Variants in PHLPP1 observed in about 807,000 individuals in gnomAD.
PHLPP1 encodes the protein PH domain leucine-rich repeat-containing protein phosphatase 1.
In PHLPP1, 42 loss-of-function variants were observed where a neutral mutation model predicts 117.2. The observed-to-expected ratio is 0.36, with a 90% confidence interval of 0.28 to 0.46. PHLPP1 has a LOEUF of 0.46. PHLPP1 is among the 20% of genes least tolerant of loss of function. PHLPP1 has a pLI of 1.00. For missense variants in PHLPP1, 2,084 were observed against 2,241.9 expected (o/e 0.93, Z 1.42); for synonymous variants, 1,042 against 970.7 (o/e 1.07, Z -1.37).
chr18:62,767,895 A>G (rs542307293), intron 1 of PHLPP1, among the ~76,000 whole-genome samples: 1 of 152,334 alleles, frequency 6.6e-6, no homozygotes, highest in East Asian at 1.9e-4. Flanking sequence ...TTCATCCACA[A>G]AGTGGTTTGG....
intron 12 of PHLPP1, among the ~76,000 whole-genome samples, chr18:62,950,608 A>G (rs1910423905): frequency 6.6e-6 from 1 of 152,232 alleles, no homozygotes; most frequent in Non-Finnish European, 1.5e-5. Context: ...GGAAATGGAT[A>G]TGAAGACAGG....
chr18:62,958,808 G>A, intron 13 of PHLPP1, 49 bp downstream of exon 13: 1 of 1,600,746 alleles, frequency 6.2e-7, no homozygotes, highest in South Asian at 1.1e-5. Flanking sequence ...CACTGGCAAT[G>A]GGATTCATAT....
chr18:62,776,254 A>G (rs371495147), intron 1 of PHLPP1, among the ~76,000 whole-genome samples: 4 of 152,138 alleles, frequency 2.6e-5, no homozygotes, highest in East Asian at 3.9e-4. Context: ...TGATGTTGTA[A>G]TTTTGAGTCT....
chr18:62,737,987 G>A (rs1005106225), intron 1 of PHLPP1, among the ~76,000 whole-genome samples: 84 of 152,074 alleles, frequency 5.5e-4, no homozygotes, highest in African/African-American at 1.9e-3. Context: ...TTTGAGAAGG[G>A]TATGTTCCAA....
chr18:62,956,727 G>T (rs1599141161), intron 12 of PHLPP1, among the ~76,000 whole-genome samples: 1 of 151,898 alleles, frequency 6.6e-6, no homozygotes, highest in Admixed American at 6.6e-5. Context: ...TGGATAATGT[G>T]GTTATAATGC....
intron 6 of PHLPP1, among the ~76,000 whole-genome samples, chr18:62,901,292 A>G (rs537983496): frequency 8.5e-5 from 13 of 152,074 alleles, no homozygotes; most frequent in African/African-American, 3.1e-4. Context: ...TTTCTTTTTT[A>G]TTCTGTTTAC....
chr18:62,767,135 A>T (rs1236391523), intron 1 of PHLPP1, among the ~76,000 whole-genome samples: 1 of 152,224 alleles, frequency 6.6e-6, no homozygotes. Context: ...TTAACTCGGT[A>T]TCAGGCCCTA....
chr18:62,900,427 T>C (rs592219), intron 6 of PHLPP1, among the ~76,000 whole-genome samples: 46,156 of 97,710 alleles, frequency 0.47, 11,905 homozygotes, highest in Non-Finnish European at 0.55. Flanking sequence ...TTTTTTCTTT[T>C]TCTTTCTTTT....
At position 62,920,119 on chromosome 18, in the gene PHLPP1, A is replaced by T. The variant is rs1275562003; in HGVS notation, c.2960+5A>T. On this transcript the variant is annotated splice_donor_5th_base_variant and intron_variant, in intron 10 of 16. Transcript: ENST00000262719. ...CCTTCTGATGAAGGCTGACAGGTAA[A>T]GCCATTTGTCTTGTTTATCATCTGA... 1 of 1,612,864 alleles carries T rather than the reference A, an allele frequency of 6.2e-7. No homozygotes were observed. Among genetic ancestry groups the T allele is most frequent in the South Asian group, 1.1e-5 (1 of 90,912 alleles).
At chr18:62,735,516 T>A (rs559251065) in intron 1 of PHLPP1, among the ~76,000 whole-genome samples, 12 of 152,198 alleles carry the variant, frequency 7.9e-5, no homozygotes, top group Admixed American at 7.2e-4. Flanking sequence ...GTGTCATTGC[T>A]TCCTACTTTT....
chr18:62,927,292 A>G (rs1405763733), intron 10 of PHLPP1, among the ~76,000 whole-genome samples: 1 of 152,160 alleles, frequency 6.6e-6, no homozygotes, highest in Non-Finnish European at 1.5e-5. Flanking sequence ...ATACCCTGAA[A>G]ATGACTGGGA....
intron 13 of PHLPP1, 67 bp from the exon 14 acceptor site, chr18:62,963,301 A>T (rs1210366062): frequency 9.7e-7 from 1 of 1,033,768 alleles, no homozygotes. Context: ...TATTTCTTGG[A>T]TAAAGGTAGC....
intron 10 of PHLPP1, among the ~76,000 whole-genome samples, chr18:62,932,773 A>T (rs549877026): frequency 6.6e-6 from 1 of 152,338 alleles, no homozygotes; most frequent in Admixed American, 6.5e-5. Flanking sequence ...CAGAGCAGTC[A>T]GGCAAGAGAA....
intron 1 of PHLPP1, among the ~76,000 whole-genome samples, chr18:62,794,597 A>G (rs1365992004): frequency 6.6e-6 from 1 of 151,714 alleles, no homozygotes; most frequent in Non-Finnish European, 1.5e-5. Flanking sequence ...TTGATTTTCA[A>G]CTCCTGGACT....
chr18:62,881,706 C>T (rs7229769), intron 4 of PHLPP1, among the ~76,000 whole-genome samples: 1 of 152,160 alleles, frequency 6.6e-6, no homozygotes, highest in Admixed American at 6.5e-5. Flanking sequence ...TCACTGGGAA[C>T]AAGGCTGGTG....
rs1353626439 is a variant in PHLPP1, at chr18:62,894,943, T to C, written c.2067-68T>C. On this transcript the variant is annotated intron_variant, in intron 4 of 16. Coordinates refer to ENST00000262719, the MANE Select transcript of PHLPP1 (RefSeq NM_194449.4). ...AGTTGGGCTAGATTATCTCTTAGGC[T>C]ATGCTAAAATTATGATGTTAATGAC... 4.5e-6 allele frequency: 6 copies of C among 1,326,268 alleles called. No individual in the cohort carries two copies. In the Admixed American group the frequency reaches 8.2e-5, roughly 18 times the overall value. 82.2% of individuals were successfully genotyped at this position (1,326,268 alleles called of 1,614,324 possible). A position where few individuals can be genotyped will look rare whatever the true frequency, so the allele number is the denominator to read the frequency against.
At chr18:62,759,356 C>G (rs1912137962) in intron 1 of PHLPP1, among the ~76,000 whole-genome samples, 1 of 152,130 alleles carries the variant, frequency 6.6e-6, no homozygotes, top group Non-Finnish European at 1.5e-5. Flanking sequence ...TCTTTTCAGC[C>G]TTAGGTCAGT....
intron 2 of PHLPP1, among the ~76,000 whole-genome samples, chr18:62,831,459 TC>T (rs1914754409): frequency 6.6e-6 from 1 of 151,930 alleles, no homozygotes; most frequent in African/African-American, 2.4e-5. Flanking sequence ...TGCCTCAGCC[TC>T]CCAAGTAGCT....
At chr18:62,931,610 AAG>A (rs1909809904) in intron 10 of PHLPP1, among the ~76,000 whole-genome samples, 1 of 151,236 alleles carries the variant, frequency 6.6e-6, no homozygotes, top group Admixed American at 6.6e-5. Flanking sequence ...AAAAAAAAAA[AAG>A]GGCCGGGCAC....
Sources: allele counts gnomAD v4.1 joint callset (sites outside exome capture counted in the v4.1 genomes callset), GRCh38; gene constraint gnomAD v4.1.1; transcripts MANE v1.5; gene names NCBI Gene and HGNC (gene_info 2026-07-23, HGNC 2026-07-21).